SMIM47: variants seen among roughly 807,000 people sequenced by gnomAD.
The protein encoded by SMIM47 is small integral membrane protein 47, also known as CTD-2568A17.1.
chr19:50,785,915 C>T, the SMIM47 span: 1 of 399,088 alleles, frequency 2.5e-6, no homozygotes, highest in Non-Finnish European at 4.4e-6. Flanking sequence ...GAGACTCAGC[C>T]CCCACCTCCG....
At chr19:50,785,978 C>G in the SMIM47 span, 5 of 398,870 alleles carry the variant, frequency 1.3e-5, no homozygotes, top group African/African-American at 1.0e-4. Context: ...GGATGGTGAA[C>G]AAGGCCATGG....
chr19:50,786,099 G>T, the SMIM47 span: 1 of 399,000 alleles, frequency 2.5e-6, no homozygotes, highest in Non-Finnish European at 4.4e-6. Context: ...CTTCCTGAAA[G>T]TTCATGGCCT....
At chr19:50,785,743 A>G in the SMIM47 span, 1 of 398,002 alleles carries the variant, frequency 2.5e-6, no homozygotes, top group Non-Finnish European at 4.4e-6. Flanking sequence ...ATTCAGTTAC[A>G]TTTATCTGGC....
At chr19:50,786,104 T>G in the SMIM47 span, 18 of 398,978 alleles carry the variant, frequency 4.5e-5, 1 homozygote, top group African/African-American at 3.5e-4. Context: ...TGAAAGTTCA[T>G]GGCCTTGGGA....
the SMIM47 span, chr19:50,785,811 C>T: frequency 2.5e-6 from 1 of 398,684 alleles, no homozygotes; most frequent in Non-Finnish European, 4.4e-6. Context: ...CCTGTGTCTT[C>T]TCACTGCTGA....
chr19:50,785,796 G>C, the SMIM47 span: 2 of 398,542 alleles, frequency 5.0e-6, no homozygotes, highest in African/African-American at 4.1e-5. Context: ...CTTGTGCGGG[G>C]AGGTCCTGTG....
chr19:50,785,860 G>A, the SMIM47 span: 142 of 398,816 alleles, frequency 3.6e-4, no homozygotes, highest in South Asian at 1.9e-3. Context: ...CAGAGATGTG[G>A]GAGAGAAAGA....
the SMIM47 span, chr19:50,785,877 A>G: frequency 3.0e-4 from 120 of 398,914 alleles, 1 homozygote; most frequent in Non-Finnish European, 4.8e-4. Flanking sequence ...AAGAGAGACC[A>G]AGATGACAGA....
the SMIM47 span, chr19:50,785,920 C>G: frequency 2.5e-6 from 1 of 398,902 alleles, no homozygotes; most frequent in Non-Finnish European, 4.4e-6. Context: ...TCAGCCCCCA[C>G]CTCCGCTCTT....
the SMIM47 span, chr19:50,785,766 G>A: frequency 2.5e-6 from 1 of 398,660 alleles, no homozygotes; most frequent in Non-Finnish European, 4.4e-6. Context: ...CAGAGCGATG[G>A]CAGAGGGAGA....
chr19:50,785,962 A>C, the SMIM47 span: 17 of 398,896 alleles, frequency 4.3e-5, no homozygotes, highest in East Asian at 6.1e-4. Flanking sequence ...AAATAGATGG[A>C]GGTCAGGATG....
At chr19:50,786,004 G>C in the SMIM47 span, 3 of 398,698 alleles carry the variant, frequency 7.5e-6, no homozygotes, top group Non-Finnish European at 1.3e-5. Context: ...GTCACATTCT[G>C]GGGGGGAGAT....
the SMIM47 span, chr19:50,785,775 G>C: frequency 7.5e-6 from 3 of 398,644 alleles, no homozygotes; most frequent in Admixed American, 1.3e-4. Flanking sequence ...GGCAGAGGGA[G>C]AGGCAGGGCT....
the SMIM47 span, chr19:50,785,924 C>CGGGAG: frequency 2.5e-6 from 1 of 398,980 alleles, no homozygotes; most frequent in African/African-American, 2.1e-5. Context: ...CCCCCACCTC[C>CGGGAG]GCTCTTCTCC....
the SMIM47 span, chr19:50,785,838 C>T: frequency 2.5e-6 from 1 of 398,598 alleles, no homozygotes; most frequent in Non-Finnish European, 4.4e-6. Context: ...GAGAGGAAAA[C>T]AGGGACATAT....
the SMIM47 span, chr19:50,785,823 C>A: frequency 2.5e-6 from 1 of 398,560 alleles, no homozygotes; most frequent in Non-Finnish European, 4.4e-6. Flanking sequence ...CACTGCTGAG[C>A]CTGAGAGAGG....
chr19:50,786,155 G>A, the SMIM47 span: 1 of 398,548 alleles, frequency 2.5e-6, no homozygotes, highest in South Asian at 1.3e-4. Flanking sequence ...TCTTTCCTGG[G>A]CCTCTGAGCC....
the SMIM47 span, chr19:50,786,079 C>A: frequency 5.0e-6 from 2 of 399,112 alleles, no homozygotes. Flanking sequence ...CCCTGCCAGA[C>A]CCCTCCTCAC....
At chr19:50,785,927 T>C in the SMIM47 span, 1 of 399,168 alleles carries the variant, frequency 2.5e-6, no homozygotes, top group Non-Finnish European at 4.4e-6. Context: ...CCACCTCCGC[T>C]CTTCTCCCGC....
Sources: gnomAD v4.1 joint callset for allele counts on GRCh38, gnomAD v4.1.1 for gene constraint, MANE v1.5 for transcripts, NCBI Gene and HGNC (gene_info 2026-07-23, HGNC 2026-07-21) for gene names.